Variants in GNA13 observed in about 807,000 individuals in gnomAD.
The protein encoded by GNA13 is guanine nucleotide-binding protein subunit alpha-13.
A neutral mutation model predicts 33.5 loss-of-function variants in GNA13; 4 were observed. The ratio of observed to expected loss-of-function variants is 0.12; its 90% confidence interval spans 0.06 to 0.27. The LOEUF (loss-of-function observed/expected upper bound fraction) is 0.27, where lower values mean the gene tolerates loss of function less well. GNA13 is among the 10% of genes least tolerant of loss of function. The pLI is 1.00. For missense variants in GNA13, 319 were observed against 487.2 expected (o/e 0.65, Z 3.25); for synonymous variants, 176 against 183.8 (o/e 0.96, Z 0.34).
At position 65,014,378 on chromosome 17, in the gene GNA13, T is replaced by G. The variant is rs1433020031; in HGVS notation, c.1013A>C (p.Gln338Pro). Residue 338 changes from glutamine (Q) to proline (P), a missense_variant, in exon 4 of 4, where the codon CAA becomes CCA. Gln to Pro is a moderately conservative substitution (Grantham distance 76, BLOSUM62 -1). Around this residue, in one of 4 missense-constraint regions of GNA13, gnomAD observed 134 missense variants for 241.3 expected, o/e 0.56. Coordinates refer to ENST00000439174, the MANE Select transcript of GNA13 (RefSeq NM_006572.6). The surrounding 1 kb of genome is among the most constrained non-coding windows in gnomAD (Gnocchi z 5.3). ...ECFRNKRRDQ[Q>P]QKPLYHHFTT... ...GAAGTGGTGGTATAAGGGCTTCTGTTGCTGGTCCCGGCGTTTGTTCCGGAA... is the reference window on the plus strand; with the variant it reads ...GAAGTGGTGGTATAAGGGCTTCTGTGGCTGGTCCCGGCGTTTGTTCCGGAA... 6.2e-7 allele frequency: 1 copy of G among 1,614,100 alleles called. No individual in the cohort carries two copies. Among genetic ancestry groups the G allele is most frequent in the Non-Finnish European group, 8.5e-7 (1 of 1,179,978 alleles).
intron 2 of GNA13, among the ~76,000 whole-genome samples, chr17:65,032,415 A>C (rs367654220): frequency 3.9e-5 from 6 of 152,212 alleles, no homozygotes; most frequent in African/African-American, 1.4e-4. Context: ...AAAGACAGTA[A>C]ATACAAAACC....
chr17:65,009,794 T>C lies in GNA13; in HGVS notation c.*4463A>G, dbSNP rs1210909356. On this transcript the variant is annotated 3_prime_UTR_variant, in exon 4 of 4. Transcript: ENST00000439174. ...TAGTTTGTTGCACTGTTGCTTATACTGTGCAAGAATTAATCTCTACCCCTT... is the reference window on the plus strand; with the variant it reads ...TAGTTTGTTGCACTGTTGCTTATACCGTGCAAGAATTAATCTCTACCCCTT... 1.3e-5 allele frequency among the ~76,000 whole-genome samples: 2 copies of C among 152,380 alleles called. No homozygotes were observed. The highest frequency in any genetic ancestry group is 1.9e-4 in the East Asian group (1 of 5,196).
intron 2 of GNA13, among the ~76,000 whole-genome samples, chr17:65,043,113 G>A (rs1206912577): frequency 6.6e-6 from 1 of 152,078 alleles, no homozygotes; most frequent in Non-Finnish European, 1.5e-5. Context: ...GAGGCCGAAG[G>A]ACTTGCCTGA....
At chr17:65,031,896 A>AAGAGAAAGAGAG (rs1907041599) in intron 2 of GNA13, among the ~76,000 whole-genome samples, 1 of 71,334 alleles carries the variant, frequency 1.4e-5, no homozygotes, top group South Asian at 7.3e-4. Flanking sequence ...GAGAGAGAGA[A>AAGAGAAAGAGAG]AGAGAGAGAG....
chr17:65,016,838 GC>G (rs1238028680), intron 3 of GNA13, among the ~76,000 whole-genome samples: 1 of 152,142 alleles, frequency 6.6e-6, no homozygotes, highest in East Asian at 1.9e-4. Context: ...GCCTACCTCT[GC>G]ATTTTTGCTT....
intron 1 of GNA13, chr17:65,055,682 A>G: frequency 6.1e-6 from 6 of 985,028 alleles, no homozygotes; most frequent in Non-Finnish European, 7.2e-6. Flanking sequence ...AGTACAGTCA[A>G]CCTGACACTC....
intron 2 of GNA13, among the ~76,000 whole-genome samples, chr17:65,037,300 T>A (rs1244357213): frequency 2.0e-5 from 3 of 152,170 alleles, no homozygotes; most frequent in Non-Finnish European, 4.4e-5. Flanking sequence ...GAAAGTACTG[T>A]AAAAGGGAAA....
chr17:65,026,727 G>A (rs570618009), intron 2 of GNA13, among the ~76,000 whole-genome samples: 14 of 152,280 alleles, frequency 9.2e-5, no homozygotes, highest in Non-Finnish European at 1.6e-4. Flanking sequence ...TGTAACAGTG[G>A]TTATAAAGAC....
intron 2 of GNA13, among the ~76,000 whole-genome samples, chr17:65,035,593 T>C (rs1477964544): frequency 3.3e-5 from 5 of 152,204 alleles, no homozygotes; most frequent in Non-Finnish European, 5.9e-5. Flanking sequence ...CTGTAAGTCA[T>C]GAACAGACAA....
intron 2 of GNA13, among the ~76,000 whole-genome samples, chr17:65,032,793 G>A: frequency 1.0e-5 from 1 of 96,598 alleles, no homozygotes; most frequent in East Asian, 3.1e-4. Context: ...CTTTCTCTAT[G>A]ACTTCATTTT....
intron 2 of GNA13, among the ~76,000 whole-genome samples, chr17:65,044,813 C>T (rs766159205): frequency 3.9e-5 from 6 of 151,980 alleles, no homozygotes; most frequent in African/African-American, 1.5e-4. Context: ...GAGGCTAAGG[C>T]GGACAGATCA....
At chr17:65,016,393 G>A (rs1045858460) in intron 3 of GNA13, among the ~76,000 whole-genome samples, 3 of 152,056 alleles carry the variant, frequency 2.0e-5, no homozygotes, top group Non-Finnish European at 4.4e-5. Context: ...ATGGAGTCTT[G>A]CTCTGTTGCC....
At chr17:65,022,901 C>A (rs1906635484) in intron 2 of GNA13, among the ~76,000 whole-genome samples, 1 of 152,218 alleles carries the variant, frequency 6.6e-6, no homozygotes, top group South Asian at 2.1e-4. Flanking sequence ...GTTGAGGACA[C>A]TCGGAACAAC....
Position 65,014,399 on chromosome 17 carries a change from C to A in GNA13, c.992G>T (p.Arg331Leu), listed in dbSNP as rs551449071. ...CTGTTGCTGGTCCCGGCGTTTGTTC[C>A]GGAAACATTCCACCAGGAATTTTTG... ...DVQKFLVECF[R>L]NKRRDQQQKP... The change falls in exon 4 of 4, where the codon CGG becomes CTG. Residue 331 changes from arginine to leucine, a missense_variant. Transcript: ENST00000439174. The surrounding 1 kb of genome is among the most constrained non-coding windows in gnomAD (Gnocchi z 5.3). 1 of 1,613,940 alleles carries A rather than the reference C, an allele frequency of 6.2e-7. No individual in the cohort carries two copies. The highest frequency in any genetic ancestry group is 1.3e-5 in the African/African-American group (1 of 74,888).
At chr17:65,054,808 C>T (rs997053508) in intron 1 of GNA13, among the ~76,000 whole-genome samples, 2 of 152,180 alleles carry the variant, frequency 1.3e-5, no homozygotes, top group Non-Finnish European at 2.9e-5. Flanking sequence ...AGTTCAGCTG[C>T]ATCAGGTTAC....
At chr17:65,037,972 T>A (rs1223393622) in intron 2 of GNA13, among the ~76,000 whole-genome samples, 1 of 152,068 alleles carries the variant, frequency 6.6e-6, no homozygotes, top group African/African-American at 2.4e-5. Flanking sequence ...GATTCAAGAC[T>A]CATGTATCAA....
intron 2 of GNA13, among the ~76,000 whole-genome samples, chr17:65,044,108 A>G (rs369260373): frequency 5.3e-5 from 8 of 152,254 alleles, no homozygotes; most frequent in African/African-American, 1.9e-4. Flanking sequence ...CCTCGGGAAC[A>G]GAGCAAGACC....
Position 65,012,967 on chromosome 17 carries a change from C to T in GNA13, c.*1290G>A, listed in dbSNP as rs1598476905. 2 of 221,208 alleles carry T rather than the reference C, an allele frequency of 9.0e-6. No homozygotes were observed. The highest frequency in any genetic ancestry group is 6.6e-5 in the East Asian group (1 of 15,188). The allele number at this position is 221,208 out of a possible 1,614,324, so 13.7% of individuals were successfully genotyped here. ...TGTATCTGCGATCACAAAGCTACTTCGTGGACACATTTTAATTTGGTAAGC... is the reference window on the plus strand; with the variant it reads ...TGTATCTGCGATCACAAAGCTACTTTGTGGACACATTTTAATTTGGTAAGC... On this transcript the variant is annotated 3_prime_UTR_variant, in exon 4 of 4. Coordinates refer to ENST00000439174, the MANE Select transcript of GNA13 (RefSeq NM_006572.6).
chr17:65,047,744 T>C (rs2143824563), intron 2 of GNA13, among the ~76,000 whole-genome samples: 1 of 152,172 alleles, frequency 6.6e-6, no homozygotes, highest in East Asian at 1.9e-4. Context: ...GCAATCCTCC[T>C]GTCTCCCCAG....
Sources: gnomAD v4.1 joint callset for allele counts (sites outside exome capture counted in the v4.1 genomes callset) on GRCh38, gnomAD v4.1.1 for gene constraint, gnomAD v4.1.1 regional missense constraint, Gnocchi (gnomAD v3.1) non-coding constraint, MANE v1.5 for transcripts, NCBI Gene and HGNC (gene_info 2026-07-23, HGNC 2026-07-21) for gene names.